Variants in NNT observed in about 807,000 individuals in gnomAD.
The protein encoded by NNT is NAD(P) transhydrogenase, mitochondrial.
Under a neutral mutation model 104.8 loss-of-function variants are expected in NNT, and 50 were observed. The ratio of observed to expected loss-of-function variants is 0.48; its 90% CI spans 0.38 to 0.60. The LOEUF (loss-of-function observed/expected upper bound fraction) is 0.60. NNT is among the 20% of genes least tolerant of loss of function. The pLI, the probability that NNT is intolerant of heterozygous loss-of-function variation, is 0.00. For synonymous variants in NNT, 461 were observed against 490.4 expected, an observed-to-expected ratio of 0.94 and a Z score of 0.79; for missense variants, 1,131 against 1,330.7, an observed-to-expected ratio of 0.85 and a Z score of 2.33.
chr5:43,659,624 T>C (rs747604712), intron 17 of NNT, among the ~76,000 whole-genome samples: 1 of 151,790 alleles, frequency 6.6e-6, no homozygotes, highest in Non-Finnish European at 1.5e-5. Context: ...AGCTACTTGG[T>C]AGGCTGAGGC....
chr5:43,662,502 G>C (rs1372460045), intron 17 of NNT, among the ~76,000 whole-genome samples: 1 of 151,832 alleles, frequency 6.6e-6, no homozygotes, highest in Non-Finnish European at 1.5e-5. Context: ...TCTGTATATA[G>C]AACTACCAAA....
intron 17 of NNT, among the ~76,000 whole-genome samples, chr5:43,673,024 G>A (rs1003079510): frequency 5.9e-5 from 9 of 152,134 alleles, no homozygotes; most frequent in Non-Finnish European, 1.0e-4. Flanking sequence ...CTTGCAGTTC[G>A]ATCTCAGGCT....
At chr5:43,698,993 G>T (rs538184317) in intron 19 of NNT, among the ~76,000 whole-genome samples, 2 of 151,978 alleles carry the variant, frequency 1.3e-5, no homozygotes, top group African/African-American at 4.8e-5. Flanking sequence ...TCTTCCAAGA[G>T]ATAGTATAAA....
chr5:43,668,259 T>G (rs962867167), intron 17 of NNT, among the ~76,000 whole-genome samples: 25 of 137,892 alleles, frequency 1.8e-4, no homozygotes, highest in African/African-American at 6.5e-4. Flanking sequence ...TTTTTTTTTT[T>G]GCTGTGCAGT....
intron 19 of NNT, among the ~76,000 whole-genome samples, chr5:43,694,464 A>C (rs1742449243): frequency 6.6e-6 from 1 of 152,196 alleles, no homozygotes; most frequent in African/African-American, 2.4e-5. Flanking sequence ...TTTAATACCT[A>C]GTTTAGTGAG....
intron 19 of NNT, among the ~76,000 whole-genome samples, chr5:43,680,155 G>A (rs1374393697): frequency 6.6e-6 from 1 of 151,966 alleles, no homozygotes; most frequent in East Asian, 1.9e-4. Flanking sequence ...TTTTTTTATT[G>A]AAAGAGATTT....
intron 6 of NNT, among the ~76,000 whole-genome samples, chr5:43,625,535 T>C (rs894253539): frequency 2.0e-5 from 3 of 152,118 alleles, no homozygotes; most frequent in Non-Finnish European, 4.4e-5. Context: ...GAAATCCAAA[T>C]GTATTGGAAA....
chr5:43,682,297 G>A (rs150197056), intron 19 of NNT, among the ~76,000 whole-genome samples: 7 of 134,396 alleles, frequency 5.2e-5, no homozygotes, highest in Non-Finnish European at 9.4e-5. Context: ...TGCAACCTCC[G>A]CCTCCTAGGT....
chr5:43,648,365 C>G, intron 10 of NNT: 1 of 326,210 alleles, frequency 3.1e-6, no homozygotes, highest in Non-Finnish European at 4.5e-6. Context: ...TTTTTACTGA[C>G]CACTAGGTAA....
At chr5:43,683,711 A>G (rs897890143) in intron 19 of NNT, among the ~76,000 whole-genome samples, 1 of 152,262 alleles carries the variant, frequency 6.6e-6, no homozygotes, top group Admixed American at 6.5e-5. Context: ...CATCATAAAA[A>G]TTATTCAGAC....
chr5:43,631,002 C>T (rs1469390886), intron 7 of NNT, among the ~76,000 whole-genome samples: 2 of 152,128 alleles, frequency 1.3e-5, no homozygotes, highest in Non-Finnish European at 2.9e-5. Flanking sequence ...AATATAAACC[C>T]AAGGACAAAG....
Position 43,681,588 on chromosome 5 carries a change from C to T in NNT, c.2876+3782C>T, listed in dbSNP as rs149380365. Reference sequence around the variant, plus strand: ...CTAATTTTTGTATTTTTGGTAGAGACGGGGTTTCGCCACGTTGGCCAGGCT... The same window carrying T: ...CTAATTTTTGTATTTTTGGTAGAGATGGGGTTTCGCCACGTTGGCCAGGCT... On this transcript the variant is annotated intron_variant, in intron 19 of 21. Coordinates refer to ENST00000344920, the MANE Select transcript of NNT (RefSeq NM_182977.3). Among the ~76,000 whole-genome samples, 104 of 151,966 alleles carry T rather than the reference C, an allele frequency of 6.8e-4. 2 individuals are homozygous for T. Among genetic ancestry groups the T allele is most frequent in the African/African-American group, 2.4e-3 (101 of 41,472 alleles).
chr5:43,646,097 C>T (rs1363700591), intron 10 of NNT, among the ~76,000 whole-genome samples: 5 of 151,974 alleles, frequency 3.3e-5, no homozygotes, highest in Non-Finnish European at 7.4e-5. Context: ...GCCTGACAGA[C>T]TTGGTTTTTC....
chr5:43,635,514 A>G (rs1750886702), intron 7 of NNT, among the ~76,000 whole-genome samples: 1 of 152,198 alleles, frequency 6.6e-6, no homozygotes, highest in Non-Finnish European at 1.5e-5. Flanking sequence ...GCCCAGGAAT[A>G]AGAGAACATT....
intron 17 of NNT, among the ~76,000 whole-genome samples, chr5:43,667,448 T>C (rs1740773524): frequency 6.6e-6 from 1 of 152,046 alleles, no homozygotes; most frequent in Admixed American, 6.6e-5. Context: ...CCCTGGTGTG[T>C]GATGTTTCCC....
chr5:43,671,290 G>T (rs1207506005), intron 17 of NNT, among the ~76,000 whole-genome samples: 2 of 152,092 alleles, frequency 1.3e-5, no homozygotes, highest in African/African-American at 4.8e-5. Flanking sequence ...TACATTTAAG[G>T]TTAATATTGT....
chr5:43,696,523 G>A (rs1423047675), intron 19 of NNT, among the ~76,000 whole-genome samples: 1 of 152,158 alleles, frequency 6.6e-6, no homozygotes, highest in Non-Finnish European at 1.5e-5. Context: ...GAGGATGGTG[G>A]CCCTCTTCTC....
At chr5:43,655,339 GT>G (rs1319464262) in intron 14 of NNT, among the ~76,000 whole-genome samples, 1 of 152,130 alleles carries the variant, frequency 6.6e-6, no homozygotes, top group Non-Finnish European at 1.5e-5. Flanking sequence ...TTTTGAAAGG[GT>G]ATACAAGTTG....
chr5:43,604,809 C>T (rs1467137661), intron 1 of NNT, among the ~76,000 whole-genome samples: 1 of 152,090 alleles, frequency 6.6e-6, no homozygotes, highest in Non-Finnish European at 1.5e-5. Context: ...GTAGCTGGGA[C>T]TTCAGGCTTG....
Sources: gnomAD v4.1 joint callset for allele counts (sites outside exome capture counted in the v4.1 genomes callset) on GRCh38, gnomAD v4.1.1 for gene constraint, MANE v1.5 for transcripts, NCBI Gene and HGNC (gene_info 2026-07-23, HGNC 2026-07-21) for gene names.